Variants in NEK10 observed in about 807,000 individuals in gnomAD.
NEK10 encodes the protein serine/threonine-protein kinase Nek10.
NEK10 carries 122 observed loss-of-function variants against 159.8 expected under a neutral mutation model. The ratio of observed to expected loss-of-function variants is 0.76; its 90% CI spans 0.66 to 0.89. The LOEUF (loss-of-function observed/expected upper bound fraction) is 0.89, where lower values mean the gene tolerates loss of function less well. NEK10 is among the 40% of genes least tolerant of loss of function. The pLI is 0.00. For missense variants in NEK10, 1,342 were observed against 1,323.1 expected, an observed-to-expected ratio of 1.01 and a Z score of -0.22; for synonymous variants, 466 against 457.1, an observed-to-expected ratio of 1.02 and a Z score of -0.25.
Position 27,174,784 on chromosome 3 carries a change from C to T in NEK10, c.2555G>A (p.Ser852Asn). 6.2e-7 allele frequency: 1 copy of T among 1,611,076 alleles called. No homozygotes were observed. Among genetic ancestry groups the T allele is most frequent in the Non-Finnish European group, 8.5e-7 (1 of 1,178,966 alleles). ...GCTTTCTGAAAGTTCACTTTTCAGG[C>T]TGGCTGCTCCACTGCTGCTGCTACT... is the stretch of plus-strand genomic sequence containing the variant. The part of the protein sequence containing the change: ...SLSSSSSGAA[S>N]LKSELSESAD... Residue 852 changes from serine to asparagine, a missense_variant, in exon 27 of 36, where the codon AGC becomes AAC. Physicochemically the swap from Ser to Asn is conservative, Grantham distance 46. Coordinates refer to ENST00000691995, the MANE Select transcript of NEK10 (RefSeq NM_001394966.1).
rs373364754 is a variant in NEK10, at chr3:27,184,733, A to G, written c.2505+7296T>C. On this transcript the variant is annotated intron_variant, in intron 26 of 35. Coordinates refer to ENST00000691995, the MANE Select transcript of NEK10 (RefSeq NM_001394966.1). ...CTACATCATTACTTGTAGCATTTTCACAGCCTTGGGAGAAATTCAGTCAAC... is the reference window on the plus strand; with the variant it reads ...CTACATCATTACTTGTAGCATTTTCGCAGCCTTGGGAGAAATTCAGTCAAC... Among the ~76,000 whole-genome samples the G allele has an allele frequency of 4.3e-4, 66 of 152,332 alleles. No individual in the cohort carries two copies. In the East Asian group the frequency reaches 6.9e-3, roughly 16 times the overall value.
chr3:27,186,799 A>G (rs1441553557), intron 26 of NEK10, among the ~76,000 whole-genome samples: 1 of 152,178 alleles, frequency 6.6e-6, no homozygotes, highest in Non-Finnish European at 1.5e-5. Flanking sequence ...AAGGATGAAG[A>G]AGGCACTGGA....
At chr3:27,130,202 T>C (rs1409110090) in intron 32 of NEK10, among the ~76,000 whole-genome samples, 1 of 152,228 alleles carries the variant, frequency 6.6e-6, no homozygotes, top group Non-Finnish European at 1.5e-5. Flanking sequence ...AAGAGAACCA[T>C]GGCAGTCTTT....
chr3:27,344,228 A>G (rs767077251), intron 5 of NEK10, 44 bp downstream of exon 5: 9 of 880,054 alleles, frequency 1.0e-5, no homozygotes, highest in Middle Eastern at 2.2e-4. Flanking sequence ...TAGATGACAT[A>G]TGCCACTCTT....
At position 27,186,634 on chromosome 3, in the gene NEK10, C is replaced by T. The variant is rs77300700; in HGVS notation, c.2505+5395G>A. Reference sequence around the variant, plus strand: ...TGAAGAAGCTTCATGATCATCATAACACTATATACATAAGGCCCATGAGAG... The same window carrying T: ...TGAAGAAGCTTCATGATCATCATAATACTATATACATAAGGCCCATGAGAG... On this transcript the variant is annotated intron_variant, in intron 26 of 35. Transcript: ENST00000691995. Among the ~76,000 whole-genome samples the T allele has an allele frequency of 2.0e-3, 304 of 152,330 alleles. 2 individuals are homozygous for T. Among genetic ancestry groups the T allele is most frequent in the African/African-American group, 6.9e-3 (285 of 41,576 alleles).
intron 1 of NEK10, among the ~76,000 whole-genome samples, chr3:27,366,773 T>C (rs1559574221): frequency 6.6e-6 from 1 of 151,776 alleles, no homozygotes; most frequent in Non-Finnish European, 1.5e-5. Flanking sequence ...AAACTCACCA[T>C]GACAATTTCA....
intron 25 of NEK10, among the ~76,000 whole-genome samples, chr3:27,196,653 A>C (rs1321956926): frequency 2.0e-5 from 3 of 152,234 alleles, no homozygotes; most frequent in Non-Finnish European, 1.5e-5. Context: ...TATTAGTTTC[A>C]GAAGAGATTT....
intron 1 of NEK10, among the ~76,000 whole-genome samples, chr3:27,360,831 A>T (rs530888387): frequency 7.9e-5 from 12 of 152,308 alleles, no homozygotes; most frequent in African/African-American, 2.9e-4. Context: ...TCAGCTAAGG[A>T]CAAGCATTAT....
At chr3:27,273,733 A>C (rs1436918445) in intron 22 of NEK10, among the ~76,000 whole-genome samples, 1 of 152,190 alleles carries the variant, frequency 6.6e-6, no homozygotes, top group Non-Finnish European at 1.5e-5. Flanking sequence ...CACAACTGTG[A>C]AACAGGCCAG....
At chr3:27,195,874 T>C (rs1021570416) in intron 25 of NEK10, among the ~76,000 whole-genome samples, 7 of 152,192 alleles carry the variant, frequency 4.6e-5, no homozygotes, top group African/African-American at 1.7e-4. Flanking sequence ...ATATCATTAT[T>C]AATACTAATA....
chr3:27,180,142 C>T (rs549036627), intron 26 of NEK10, among the ~76,000 whole-genome samples: 9 of 151,864 alleles, frequency 5.9e-5, no homozygotes, highest in Admixed American at 2.6e-4. Flanking sequence ...TGCCTTTAAT[C>T]CCAGCACTTT....
chr3:27,169,775 G>A, intron 29 of NEK10, among the ~76,000 whole-genome samples: 1 of 152,158 alleles, frequency 6.6e-6, no homozygotes. Context: ...CATTGAGGCT[G>A]CCCAGCACTA....
chr3:27,241,505 G>T (rs1954557343), intron 23 of NEK10, among the ~76,000 whole-genome samples: 1 of 152,206 alleles, frequency 6.6e-6, no homozygotes, highest in Non-Finnish European at 1.5e-5. Context: ...TCAAGAGCAA[G>T]TGTATAAATA....
At chr3:27,347,502 CAAAAAAAAAAA>C (rs35966643) in intron 3 of NEK10, among the ~76,000 whole-genome samples, 7 of 63,440 alleles carry the variant, frequency 1.1e-4, no homozygotes, top group Non-Finnish European at 1.8e-4. Context: ...AACTCCGTCT[CAAAAAAAAAAA>C]AAAAAAAAAA....
rs746344298 is a variant in NEK10, at chr3:27,322,210, A to G, written c.414T>C (p.Cys138=). 3.8e-6 allele frequency: 6 copies of G among 1,567,608 alleles called. No homozygotes were observed. The highest frequency in any genetic ancestry group is 1.7e-4 in the Middle Eastern group (1 of 6,038). Reference sequence around the variant, plus strand: ...ATGGATCCCTCATTAGTAGCCTCAGACAGATTAACACTCTCAGAAAATGAA... The same window carrying G: ...ATGGATCCCTCATTAGTAGCCTCAGGCAGATTAACACTCTCAGAAAATGAA... ...PSIHFLRVLI[C]LRLLMRDPCY... Residue 138 remains cysteine, a synonymous_variant, in exon 6 of 36, where the codon TGT becomes TGC. Coordinates refer to ENST00000691995, the MANE Select transcript of NEK10 (RefSeq NM_001394966.1).
chr3:27,153,678 G>A lies in NEK10; in HGVS notation c.2869+9023C>T, dbSNP rs187748803. On this transcript the variant is annotated intron_variant, in intron 30 of 35. Transcript: ENST00000691995. ...ACCTTCAAAACCATGCAAATACATG[G>A]AAATTAAATAACCTGCTCCTGAATG... 3.5e-3 allele frequency among the ~76,000 whole-genome samples: 530 copies of A among 152,246 alleles called. 5 individuals carry two copies. Among genetic ancestry groups the A allele is most frequent in the African/African-American group, 0.012 (502 of 41,536 alleles).
At chr3:27,351,946 AT>A (rs976516112) in intron 3 of NEK10, among the ~76,000 whole-genome samples, 4 of 151,984 alleles carry the variant, frequency 2.6e-5, no homozygotes, top group Non-Finnish European at 5.9e-5. Flanking sequence ...CAGAAGTACC[AT>A]TTTTTCTCTA....
chr3:27,113,799 A>G (rs1939974312), intron 35 of NEK10, among the ~76,000 whole-genome samples: 1 of 152,196 alleles, frequency 6.6e-6, no homozygotes, highest in African/African-American at 2.4e-5. Flanking sequence ...TTTTTAATAA[A>G]GGGAAAATAA....
intron 23 of NEK10, among the ~76,000 whole-genome samples, chr3:27,237,378 G>A (rs1435532345): frequency 6.6e-6 from 1 of 152,102 alleles, no homozygotes; most frequent in African/African-American, 2.4e-5. Context: ...GTATTATTTG[G>A]GAACTGATAA....
Sources: allele counts gnomAD v4.1 joint callset (sites outside exome capture counted in the v4.1 genomes callset), GRCh38; gene constraint gnomAD v4.1.1; transcripts MANE v1.5; gene names NCBI Gene and HGNC (gene_info 2026-07-23, HGNC 2026-07-21).